The following PXDNL variants were observed in gnomAD, a reference collection of about 807,000 sequenced individuals.
PXDNL encodes the protein probable oxidoreductase PXDNL.
Under a neutral mutation model 150.8 loss-of-function variants are expected in PXDNL, and 145 were observed. The observed-to-expected ratio is 0.96, with a 90% CI of 0.84 to 1.10. PXDNL has a LOEUF of 1.10. Ranked by LOEUF, PXDNL falls within the 50% of genes least tolerant of loss-of-function variation. The probability of loss-of-function intolerance (pLI) is 0.00; values close to 1 mark genes in which losing one functional copy is unlikely to be tolerated. For missense variants in PXDNL, 2,087 were observed against 1,873.9 expected (o/e 1.11, Z -2.10); for synonymous variants, 757 against 725.7 (o/e 1.04, Z -0.69).
chr8:51,571,834 T>C (rs77691540), intron 3 of PXDNL, among the ~76,000 whole-genome samples: 1,961 of 151,976 alleles, frequency 0.013, 47 homozygotes, highest in African/African-American at 0.045. Flanking sequence ...TATAGAAATA[T>C]TTTGTAAGAC....
chr8:51,477,648 G>T (rs868378088), intron 6 of PXDNL, among the ~76,000 whole-genome samples: 11 of 152,188 alleles, frequency 7.2e-5, no homozygotes, highest in African/African-American at 2.7e-4. Flanking sequence ...ATATAAAGGA[G>T]TAAGTTCTCA....
chr8:51,697,824 C>T (rs1816178286), intron 1 of PXDNL, among the ~76,000 whole-genome samples: 1 of 152,186 alleles, frequency 6.6e-6, no homozygotes, highest in South Asian at 2.1e-4. Context: ...TTTCTCATAA[C>T]AGCATAGTTT....
At chr8:51,495,883 C>T (rs1463837619) in intron 5 of PXDNL, among the ~76,000 whole-genome samples, 1 of 152,148 alleles carries the variant, frequency 6.6e-6, no homozygotes, top group Non-Finnish European at 1.5e-5. Flanking sequence ...CCTTCTGAAA[C>T]TATTCCAATC....
At chr8:51,440,989 C>T (rs1809532722) in intron 12 of PXDNL, among the ~76,000 whole-genome samples, 1 of 152,172 alleles carries the variant, frequency 6.6e-6, no homozygotes, top group Non-Finnish European at 1.5e-5. Flanking sequence ...GAAGAGACTT[C>T]ATATGGTTTG....
In PXDNL at chr8:51,320,807, C is replaced by G. The variant is rs773741030; in HGVS notation, c.4237G>C (p.Asp1413His). ...ACCTCACAAATGCAGTGAGTGCAGT[C>G]TTCTTTCATCCAGCGCTCCTCGGCC... ...RKAEERWMKE[D>H]CTHCICESGQ... The change falls in exon 22 of 23, where the codon GAC becomes CAC. Residue 1413 changes from aspartate (D) to histidine (H), a missense_variant. Physicochemically the swap from Asp to His is moderately conservative, Grantham distance 81. Transcript: ENST00000356297. 6.2e-7 allele frequency: 1 copy of G among 1,613,834 alleles called. No homozygotes were observed. The highest frequency in any genetic ancestry group is 8.5e-7 in the Non-Finnish European group (1 of 1,179,746).
At chr8:51,791,592 C>T (rs899090919) in intron 1 of PXDNL, among the ~76,000 whole-genome samples, 13 of 152,120 alleles carry the variant, frequency 8.5e-5, no homozygotes, top group Admixed American at 5.9e-4. Flanking sequence ...ATTCATTGGA[C>T]GGAGAAAAGT....
intron 1 of PXDNL, among the ~76,000 whole-genome samples, chr8:51,658,223 T>C (rs1302433454): frequency 3.3e-5 from 5 of 151,352 alleles, no homozygotes; most frequent in Admixed American, 6.6e-5. Flanking sequence ...ACACCTGTGG[T>C]TGTAGCTACT....
chr8:51,373,783 C>T (rs1056718879), intron 18 of PXDNL, among the ~76,000 whole-genome samples: 14 of 152,124 alleles, frequency 9.2e-5, no homozygotes, highest in African/African-American at 3.4e-4. Context: ...CACAAGATTC[C>T]TAGATCTTAC....
At chr8:51,517,511 G>C (rs534497523) in intron 4 of PXDNL, among the ~76,000 whole-genome samples, 1 of 152,098 alleles carries the variant, frequency 6.6e-6, no homozygotes, top group Admixed American at 6.5e-5. Flanking sequence ...ACTATGTCTT[G>C]CTCATGCTTT....
chr8:51,402,904 TACACACACACACACAC>T (rs55768775), intron 17 of PXDNL, among the ~76,000 whole-genome samples: 8 of 146,170 alleles, frequency 5.5e-5, no homozygotes, highest in Middle Eastern at 3.6e-3. Flanking sequence ...CTACTAAAAA[TACACACACACACACAC>T]ACACACACAC....
chr8:51,453,457 G>A, intron 10 of PXDNL, 62 bp downstream of exon 10: 1 of 1,527,356 alleles, frequency 6.5e-7, no homozygotes, highest in Non-Finnish European at 9.0e-7. Context: ...TATTTAAGTT[G>A]AAAAATAATT....
intron 1 of PXDNL, among the ~76,000 whole-genome samples, chr8:51,716,426 T>C (rs941336337): frequency 2.6e-5 from 4 of 151,886 alleles, no homozygotes; most frequent in African/African-American, 9.7e-5. Context: ...TGAGACTAAC[T>C]TTCAGTCAAG....
chr8:51,521,890 A>C (rs1455910869), intron 4 of PXDNL, among the ~76,000 whole-genome samples: 1 of 152,184 alleles, frequency 6.6e-6, no homozygotes, highest in Non-Finnish European at 1.5e-5. Context: ...AAAGGGAAAA[A>C]CTGCCAATCT....
At chr8:51,704,470 T>C (rs998432634) in intron 1 of PXDNL, among the ~76,000 whole-genome samples, 5 of 152,252 alleles carry the variant, frequency 3.3e-5, no homozygotes, top group Non-Finnish European at 1.5e-5. Flanking sequence ...AGTGTCTGTG[T>C]GCAAGAATGT....
At chr8:51,662,577 A>G (rs1815299213) in intron 1 of PXDNL, among the ~76,000 whole-genome samples, 1 of 152,240 alleles carries the variant, frequency 6.6e-6, no homozygotes, top group Non-Finnish European at 1.5e-5. Context: ...TAAAAAATAA[A>G]GAATCATAAC....
At chr8:51,340,521 A>C (rs906532163) in intron 20 of PXDNL, among the ~76,000 whole-genome samples, 3 of 152,250 alleles carry the variant, frequency 2.0e-5, no homozygotes, top group Admixed American at 2.0e-4. Flanking sequence ...AGAAACCATT[A>C]TAACTTTCAA....
chr8:51,516,270 G>T (rs1346972646), intron 4 of PXDNL, among the ~76,000 whole-genome samples: 1 of 152,148 alleles, frequency 6.6e-6, no homozygotes, highest in African/African-American at 2.4e-5. Context: ...ATGGTGAAAA[G>T]CAGAGCCCTG....
chr8:51,442,042 C>T (rs529642485), intron 12 of PXDNL, among the ~76,000 whole-genome samples: 2 of 151,938 alleles, frequency 1.3e-5, no homozygotes, highest in African/African-American at 4.8e-5. Context: ...TTTTCTGTAC[C>T]CTTATTGGGA....
rs536468204 is a variant in PXDNL at position 51,455,115 on chromosome 8, C to CAAAAAAAAA, written c.983-1339_983-1331dup. 7.6e-4 allele frequency among the ~76,000 whole-genome samples: 12 copies of CAAAAAAAAA among 15,860 alleles called. 3 individuals carry two copies. The highest frequency in any genetic ancestry group is 0.011 in the South Asian group (1 of 92). 10.4% of individuals were successfully genotyped at this position (15,860 alleles called of 152,430 possible). On this transcript the variant is annotated intron_variant, in intron 9 of 22. Transcript: ENST00000356297. ...TGGGCGACAGAGCGAGACTCCGTCT[C>CAAAAAAAAA]AAAAAAAAAAAAAAAAAAGAGGTAA... is the stretch of plus-strand genomic sequence containing the variant.
Sources: gnomAD v4.1 joint callset for allele counts (sites outside exome capture counted in the v4.1 genomes callset) on GRCh38, gnomAD v4.1.1 for gene constraint, MANE v1.5 for transcripts, NCBI Gene and HGNC (gene_info 2026-07-23, HGNC 2026-07-21) for gene names.